The following CHD6 variants were observed in gnomAD, a reference collection of about 807,000 sequenced individuals.
CHD6 encodes the protein chromodomain helicase DNA binding protein 6.
In CHD6, 50 loss-of-function variants were observed where a neutral mutation model predicts 276.9. The observed-to-expected ratio is 0.18, with a 90% confidence interval of 0.14 to 0.23. The LOEUF is 0.23. Ranked by LOEUF, CHD6 falls within the 10% of genes least tolerant of loss-of-function variation. The pLI is 1.00. For synonymous variants in CHD6, 1,173 were observed against 1,229.3 expected (o/e 0.95, Z 0.96); for missense variants, 2,564 against 3,365.8 (o/e 0.76, Z 5.89).
intron 20 of CHD6, among the ~76,000 whole-genome samples, chr20:41,453,930 G>C (rs549273374): frequency 1.1e-4 from 16 of 152,266 alleles, no homozygotes; most frequent in Admixed American, 5.2e-4. Context: ...TGGCTTTGTG[G>C]AACCATGAGA....
rs567989350 is a variant in CHD6 at position 41,524,005 on chromosome 20, G to A, written c.554+9045C>T. Among the ~76,000 whole-genome samples, 152 of 152,132 alleles carry A rather than the reference G, an allele frequency of 1.0e-3. 1 individual carries two copies. Among genetic ancestry groups the A allele is most frequent in the Admixed American group, 1.7e-3 (26 of 15,274 alleles). Reference sequence around the variant, plus strand: ...AGAATGCGTTACTACTACAGCCACCGAAAATAGCTCATGATCCCAATGACT... The same window carrying A: ...AGAATGCGTTACTACTACAGCCACCAAAAATAGCTCATGATCCCAATGACT... On this transcript the variant is annotated intron_variant, in intron 3 of 36. Transcript: ENST00000373233.
At chr20:41,610,546 G>C (rs1049545452) in intron 1 of CHD6, among the ~76,000 whole-genome samples, 19 of 152,190 alleles carry the variant, frequency 1.2e-4, no homozygotes, top group African/African-American at 4.3e-4. Flanking sequence ...CGGAATACAA[G>C]GTCAGGAGAT....
intron 1 of CHD6, among the ~76,000 whole-genome samples, chr20:41,582,155 A>G (rs2146237065): frequency 6.6e-6 from 1 of 152,306 alleles, no homozygotes; most frequent in South Asian, 2.1e-4. Context: ...AAAAACCTAC[A>G]CCTAAAATGT....
intron 1 of CHD6, among the ~76,000 whole-genome samples, chr20:41,609,383 C>T (rs1354263621): frequency 6.6e-6 from 1 of 152,122 alleles, no homozygotes; most frequent in African/African-American, 2.4e-5. Context: ...AATGTTGTGC[C>T]CCATAATCAG....
At chr20:41,616,428 C>G (rs2045935162) in intron 1 of CHD6, among the ~76,000 whole-genome samples, 3 of 152,036 alleles carry the variant, frequency 2.0e-5, no homozygotes, top group African/African-American at 4.8e-5. Context: ...CGCAACAGAT[C>G]TAGATTTACT....
rs778896143 is a variant in CHD6 at position 41,533,547 on chromosome 20, A to G, written c.57T>C (p.Asn19=). Residue 19 remains asparagine, a synonymous_variant, in exon 3 of 37, where the codon AAT becomes AAC. Coordinates refer to ENST00000373233, the MANE Select transcript of CHD6 (RefSeq NM_032221.5). Reference sequence around the variant, plus strand: ...CAGAGGCATCAGACATTGGGGAGTGATTCAAAACTTTTAAATTTGACAACT... The same window carrying G: ...CAGAGGCATCAGACATTGGGGAGTGGTTCAAAACTTTTAAATTTGACAACT... The part of the protein sequence containing the change: ...EKQLSNLKVL[N]HSPMSDASVN... The G allele has an allele frequency of 6.2e-7, 1 of 1,606,450 alleles. No individual in the cohort carries two copies.
intron 18 of CHD6, among the ~76,000 whole-genome samples, chr20:41,456,667 T>G (rs2048386494): frequency 6.6e-6 from 1 of 152,212 alleles, no homozygotes; most frequent in Admixed American, 6.5e-5. Flanking sequence ...AAGCATCCAA[T>G]CTTTGATGCC....
In CHD6 at chr20:41,578,526, A is replaced by G. The variant is rs182564294; in HGVS notation, c.-23-27166T>C. ...AATCACCAAGGAATGTTAAGTTCAA[A>G]CCAATTAGCTGGGCGTAGGGGCAGG... is the stretch of plus-strand genomic sequence containing the variant. On this transcript the variant is annotated intron_variant, in intron 1 of 36. Coordinates refer to ENST00000373233, the MANE Select transcript of CHD6 (RefSeq NM_032221.5). Among the ~76,000 whole-genome samples, 10 of 152,188 alleles carry G rather than the reference A, an allele frequency of 6.6e-5. No individual in the cohort carries two copies. In the East Asian group the frequency reaches 1.5e-3, roughly 23 times the overall value.
intron 1 of CHD6, among the ~76,000 whole-genome samples, chr20:41,586,415 A>G (rs547425301): frequency 6.6e-6 from 1 of 152,152 alleles, no homozygotes; most frequent in Non-Finnish European, 1.5e-5. Context: ...ATCCTAATCG[A>G]GCTGAATGCT....
intron 16 of CHD6, among the ~76,000 whole-genome samples, chr20:41,480,930 C>G (rs528807382): frequency 9.9e-5 from 15 of 152,048 alleles, no homozygotes; most frequent in African/African-American, 3.6e-4. Flanking sequence ...CTGTTGGATG[C>G]AGCTTGGGTG....
intron 26 of CHD6, among the ~76,000 whole-genome samples, chr20:41,437,863 A>C (rs2047764188): frequency 6.6e-6 from 1 of 152,202 alleles, no homozygotes; most frequent in South Asian, 2.1e-4. Context: ...AGAGACACTG[A>C]GAATGAGAGA....
intron 1 of CHD6, among the ~76,000 whole-genome samples, chr20:41,614,944 C>T (rs551014306): frequency 6.6e-6 from 1 of 152,328 alleles, no homozygotes; most frequent in East Asian, 1.9e-4. Flanking sequence ...TTCCAACACT[C>T]CTCTTCAGTG....
In CHD6 at chr20:41,503,633, CT is replaced by C. The variant is rs1243838782; in HGVS notation, c.853-4277del. Among the ~76,000 whole-genome samples the C allele has an allele frequency of 2.0e-5, 3 of 152,176 alleles. No homozygotes were observed. The East Asian group carries it at 5.8e-4, about 29-fold the overall frequency. On this transcript the variant is annotated intron_variant, in intron 5 of 36. Coordinates refer to ENST00000373233, the MANE Select transcript of CHD6 (RefSeq NM_032221.5). ...TTAAGATATGCCTAGGTATGGTTTT[CT>C]TTTTTGCATTTTTCCTGCTTTAGAG...
chr20:41,433,858 C>T (rs1204544142), intron 27 of CHD6, among the ~76,000 whole-genome samples: 3 of 152,024 alleles, frequency 2.0e-5, no homozygotes, highest in Non-Finnish European at 2.9e-5. Flanking sequence ...CCACACTTCA[C>T]TTAAGCTGAT....
chr20:41,426,082 C>T lies in CHD6; in HGVS notation c.4129+11G>A, dbSNP rs1201429987. 4.4e-6 allele frequency: 7 copies of T among 1,590,198 alleles called. No homozygotes were observed. The African/African-American group carries it at 5.4e-5, about 12-fold the overall frequency. Reference sequence around the variant, plus strand: ...TTACTTTCCTATGCCTTCAGAAGGACATAGTCTCACCTGCCCGGCTGTCAT... The same window carrying T: ...TTACTTTCCTATGCCTTCAGAAGGATATAGTCTCACCTGCCCGGCTGTCAT... On this transcript the variant is annotated intron_variant, in intron 28 of 36. Coordinates refer to ENST00000373233, the MANE Select transcript of CHD6 (RefSeq NM_032221.5).
chr20:41,463,189 T>C (rs976949027), intron 17 of CHD6, among the ~76,000 whole-genome samples: 14 of 152,286 alleles, frequency 9.2e-5, no homozygotes, highest in African/African-American at 3.4e-4. Flanking sequence ...TGTATTCATA[T>C]TGACATAAAA....
At chr20:41,508,433 G>A (rs1165630849) in intron 5 of CHD6, among the ~76,000 whole-genome samples, 1 of 152,096 alleles carries the variant, frequency 6.6e-6, no homozygotes, top group Non-Finnish European at 1.5e-5. Context: ...AATTCCCCTG[G>A]TATTTTGGGA....
chr20:41,415,270 C>T lies in CHD6; in HGVS notation c.6855G>A (p.Arg2285=). The change falls in exon 34 of 37, where the codon AGG becomes AGA. Residue 2285 remains arginine, a synonymous_variant. Coordinates refer to ENST00000373233, the MANE Select transcript of CHD6 (RefSeq NM_032221.5). ...CATGTTTCCGCCTCCCTCTCCGCCT[C>T]CTCGTGGCTGCATCATCTCTTCTGA... ...GSLRRDDAAT[R]RRRGRRKHVE... 4 of 1,614,210 alleles carry T rather than the reference C, an allele frequency of 2.5e-6. No homozygotes were observed. The South Asian group carries it at 4.4e-5, about 18-fold the overall frequency.
At chr20:41,535,136 T>C (rs2044798023) in intron 2 of CHD6, among the ~76,000 whole-genome samples, 1 of 151,990 alleles carries the variant, frequency 6.6e-6, no homozygotes, top group Admixed American at 6.5e-5. Flanking sequence ...AGTGAGACCC[T>C]GTCTTTTCAG....
Sources: gnomAD v4.1 joint callset for allele counts (sites outside exome capture counted in the v4.1 genomes callset) on GRCh38, gnomAD v4.1.1 for gene constraint, MANE v1.5 for transcripts, NCBI Gene and HGNC (gene_info 2026-07-23, HGNC 2026-07-21) for gene names.